Variants in GNRH2 observed in about 807,000 individuals in gnomAD.
The protein encoded by GNRH2 is progonadoliberin-2.
A neutral mutation model predicts 12.1 loss-of-function variants in GNRH2; 15 were observed. That is an observed-to-expected ratio of 1.24 (90% CI 0.83 to 1.90). GNRH2 has a LOEUF of 1.90. GNRH2 is among the 40% of genes most tolerant of loss of function. GNRH2 has a pLI of 0.00. For synonymous variants in GNRH2, 60 were observed against 62.0 expected, an observed-to-expected ratio of 0.97 and a Z score of 0.15; for missense variants, 143 against 141.4, an observed-to-expected ratio of 1.01 and a Z score of -0.06.
At position 3,044,733 on chromosome 20, in the gene GNRH2, C is replaced by T. The variant is rs1474747846; in HGVS notation, c.188C>T (p.Pro63Leu). 1.2e-6 allele frequency: 2 copies of T among 1,612,302 alleles called. No individual in the cohort carries two copies. Among genetic ancestry groups the T allele is most frequent in the Admixed American group, 3.3e-5 (2 of 59,884 alleles). The change falls in exon 3 of 4, where the codon CCA becomes CTA. Residue 63 changes from proline (P) to leucine (L), a missense_variant. By Grantham distance (98) the Pro-to-Leu change is moderately conservative. Transcript: ENST00000359100. ...CCAGTCCAGACTGCCCATGGCCTCC[C>T]AAGTGATGCCCTGGCTCCCCTGGAC... is the stretch of plus-strand genomic sequence containing the variant. ...GSPVQTAHGL[P>L]SDALAPLDDS...
In GNRH2 at chr20:3,044,519, G is replaced by A. The variant is rs2065966221; in HGVS notation, c.105G>A (p.Lys35=). Reference sequence around the variant, plus strand: ...CCCATGGCTGGTACCCTGGAGGAAAGCGAGCCCTCAGCTCAGCCCAGGATC... The same window carrying A: ...CCCATGGCTGGTACCCTGGAGGAAAACGAGCCCTCAGCTCAGCCCAGGATC... ...HWSHGWYPGG[K]RALSSAQDPQ... is the part of the protein sequence containing the mutation. Residue 35 remains lysine, a synonymous_variant, in exon 2 of 4, where the codon AAG becomes AAA. Coordinates refer to ENST00000359100, the MANE Select transcript of GNRH2 (RefSeq NM_178331.2). The A allele has an allele frequency of 5.6e-6, 9 of 1,613,842 alleles. No homozygotes were observed. The highest frequency in any genetic ancestry group is 7.6e-6 in the Non-Finnish European group (9 of 1,179,998).
chr20:3,045,586 G>A, intron 3 of GNRH2, 100 bp from the exon 4 acceptor site: 2 of 1,001,198 alleles, frequency 2.0e-6, no homozygotes, highest in South Asian at 2.9e-5. Flanking sequence ...AGGCCACATG[G>A]GGACTGGGGG....
Position 3,044,734 on chromosome 20 carries a change from A to G in GNRH2, c.189A>G (p.Pro63=). 1 of 1,612,290 alleles carries G rather than the reference A, an allele frequency of 6.2e-7. No individual in the cohort carries two copies. The highest frequency in any genetic ancestry group is 8.5e-7 in the Non-Finnish European group (1 of 1,179,314). Residue 63 remains proline, a synonymous_variant, in exon 3 of 4, where the codon CCA becomes CCG. Coordinates refer to ENST00000359100, the MANE Select transcript of GNRH2 (RefSeq NM_178331.2). The part of the protein sequence containing the change: ...GSPVQTAHGL[P]SDALAPLDDS... ...CAGTCCAGACTGCCCATGGCCTCCC[A>G]AGTGATGCCCTGGCTCCCCTGGACG... is the stretch of plus-strand genomic sequence containing the variant.
At chr20:3,045,429 AC>A (rs2065978591) in intron 3 of GNRH2, among the ~76,000 whole-genome samples, 1 of 152,174 alleles carries the variant, frequency 6.6e-6, no homozygotes, top group African/African-American at 2.4e-5. Flanking sequence ...GCAATGTCTT[AC>A]CGCCTGATTT....
Position 3,045,725 on chromosome 20 carries a change from A to ACCCC in GNRH2, c.331_332insCCCC (p.Asn111ThrfsTer3). On this transcript the variant is annotated frameshift_variant, in exon 4 of 4. Coordinates refer to ENST00000359100, the MANE Select transcript of GNRH2 (RefSeq NM_178331.2). LOFTEE classifies it high-confidence loss of function. ...GCCCCGCCCCGCCCCGCCATCCTCC[A>ACCCC]ATAAAGTGTGAGGTTCTCCGAAGCT... 1 of 1,596,902 alleles carries ACCCC rather than the reference A, an allele frequency of 6.3e-7. No individual in the cohort carries two copies. The highest frequency in any genetic ancestry group is 8.6e-7 in the Non-Finnish European group (1 of 1,166,828).
chr20:3,044,897 G>A, intron 3 of GNRH2, 61 bp downstream of exon 3: 1 of 1,437,574 alleles, frequency 7.0e-7, no homozygotes, highest in Non-Finnish European at 9.6e-7. Context: ...AGGCCATTGT[G>A]GCTTAGGGTT....
At chr20:3,045,365 C>G (rs1245303493) in intron 3 of GNRH2, among the ~76,000 whole-genome samples, 1 of 152,212 alleles carries the variant, frequency 6.6e-6, no homozygotes, top group Non-Finnish European at 1.5e-5. Context: ...CAAACATTTA[C>G]AGTGCATCAG....
At chr20:3,045,657 A>G (rs757142575) in intron 3 of GNRH2, 29 bp from the exon 4 acceptor site, 3 of 1,596,532 alleles carry the variant, frequency 1.9e-6, no homozygotes, top group South Asian at 2.2e-5. Context: ...CAGTGTCCTG[A>G]GACATGACCG....
chr20:3,045,461 C>A (rs938648938), intron 3 of GNRH2, among the ~76,000 whole-genome samples: 1 of 152,168 alleles, frequency 6.6e-6, no homozygotes, highest in African/African-American at 2.4e-5. Context: ...GCTGAGGTTT[C>A]TATGCGTCAG....
chr20:3,045,220 TCAAA>T (rs56932683), intron 3 of GNRH2, among the ~76,000 whole-genome samples: 16,489 of 152,038 alleles, frequency 0.11, 1,061 homozygotes, highest in African/African-American at 0.16. Flanking sequence ...GCAACCTCAC[TCAAA>T]CAGACAACAG....
In GNRH2 at chr20:3,045,680, C is replaced by T; in HGVS notation, c.292-6C>T. Reference sequence around the variant, plus strand: ...TGAGACATGACCGCCACCTCTCCCTCCGCAGACCGCAGCCCGAGAGCCCCG... The same window carrying T: ...TGAGACATGACCGCCACCTCTCCCTTCGCAGACCGCAGCCCGAGAGCCCCG... On this transcript the variant is annotated splice_polypyrimidine_tract_variant and splice_region_variant and intron_variant, in intron 3 of 3. Transcript: ENST00000359100. 6.2e-7 allele frequency: 1 copy of T among 1,610,570 alleles called. No homozygotes were observed. The highest frequency in any genetic ancestry group is 8.5e-7 in the Non-Finnish European group (1 of 1,177,660).
Position 3,045,681 on chromosome 20 carries a change from C to G in GNRH2, c.292-5C>G. On this transcript the variant is annotated splice_polypyrimidine_tract_variant and splice_region_variant and intron_variant, in intron 3 of 3. Transcript: ENST00000359100. ...GAGACATGACCGCCACCTCTCCCTC[C>G]GCAGACCGCAGCCCGAGAGCCCCGC... The G allele has an allele frequency of 6.2e-7, 1 of 1,610,126 alleles. No individual in the cohort carries two copies. The highest frequency in any genetic ancestry group is 8.5e-7 in the Non-Finnish European group (1 of 1,177,290).
At position 3,044,425 on chromosome 20, in the gene GNRH2, C is replaced by T; in HGVS notation, c.11C>T (p.Ser4Phe). 6.2e-7 allele frequency: 1 copy of T among 1,613,518 alleles called. No individual in the cohort carries two copies. Among genetic ancestry groups the T allele is most frequent in the Non-Finnish European group, 8.5e-7 (1 of 1,179,744 alleles). Reference protein sequence around the residue: MASSRRGLLLLLLL... With the variant: MASFRRGLLLLLLL... ...TCCATTAGAGCAGCCATGGCCAGCT[C>T]CAGGCGAGGCCTCCTGCTCCTGCTG... Residue 4 changes from serine (S) to phenylalanine (F), a missense_variant, in exon 2 of 4, where the codon TCC becomes TTC. Coordinates refer to ENST00000359100, the MANE Select transcript of GNRH2 (RefSeq NM_178331.2).
intron 1 of GNRH2, chr20:3,044,137 G>A (rs1370810878): frequency 1.1e-5 from 5 of 455,506 alleles, no homozygotes; most frequent in Non-Finnish European, 2.0e-5. Context: ...GGACAAGTGG[G>A]AGGGCCCTCA....
chr20:3,044,371 A>C (rs755275448), intron 1 of GNRH2, 37 bp from the exon 2 acceptor site: 1 of 1,572,794 alleles, frequency 6.4e-7, no homozygotes, highest in African/African-American at 1.3e-5. Flanking sequence ...TGTGGGGGTG[A>C]GGTAAGTCTC....
chr20:3,044,753 C>T lies in GNRH2; in HGVS notation c.208C>T (p.Leu70=). The change falls in exon 3 of 4, where the codon CTG becomes TTG. Residue 70 remains leucine, a synonymous_variant. Transcript: ENST00000359100. ...HGLPSDALAP[L]DDSMPWEGRT... ...CCTCCCAAGTGATGCCCTGGCTCCC[C>T]TGGACGACAGCATGCCCTGGGAGGG... 1 of 1,612,092 alleles carries T rather than the reference C, an allele frequency of 6.2e-7. No homozygotes were observed. The highest frequency in any genetic ancestry group is 8.5e-7 in the Non-Finnish European group (1 of 1,178,932).
rs1356385092 is a variant in GNRH2 at position 3,044,503 on chromosome 20, G to A, written c.89G>A (p.Trp30Ter). 7 of 1,613,586 alleles carry A rather than the reference G, an allele frequency of 4.3e-6. No individual in the cohort carries two copies. The highest frequency in any genetic ancestry group is 5.1e-6 in the Non-Finnish European group (6 of 1,179,890). The stretch of plus-strand genomic sequence containing the variant: ...GAGGCTCAGCACTGGTCCCATGGCT[G>A]GTACCCTGGAGGAAAGCGAGCCCTC... ...PSEAQHWSHG[W>*]YPGGKRALSS... Residue 30 changes from tryptophan to a stop codon, truncating the protein, a stop_gained, in exon 2 of 4, where the codon TGG becomes TAG. Transcript: ENST00000359100. LOFTEE classifies it high-confidence loss of function.
chr20:3,044,002 C>G (rs2065959422), intron 1 of GNRH2: 1 of 194,744 alleles, frequency 5.1e-6, no homozygotes, highest in Non-Finnish European at 1.1e-5. Context: ...TCCAAACACG[C>G]CTACATTGAG....
chr20:3,045,383 C>T (rs946617192), intron 3 of GNRH2, among the ~76,000 whole-genome samples: 3 of 152,132 alleles, frequency 2.0e-5, no homozygotes, highest in Non-Finnish European at 2.9e-5. Context: ...CAGGAGAGCC[C>T]GGTAACTAAA....
Sources: allele counts gnomAD v4.1 joint callset (sites outside exome capture counted in the v4.1 genomes callset), GRCh38; gene constraint gnomAD v4.1.1; transcripts MANE v1.5; gene names NCBI Gene and HGNC (gene_info 2026-07-23, HGNC 2026-07-21).